CHLSN: variants seen among roughly 807,000 people sequenced by gnomAD.
The protein encoded by CHLSN is protein cholesin.
the CHLSN span, among the ~76,000 whole-genome samples, chr7:1,060,034 G>GGGTCT: frequency 1.8e-5 from 2 of 111,064 alleles, no homozygotes; most frequent in Admixed American, 9.4e-5. Flanking sequence ...AAGCGGGTCC[G>GGGTCT]TAGTGAGGCG....
At chr7:1,083,650 A>G in the CHLSN span, among the ~76,000 whole-genome samples, 1 of 151,686 alleles carries the variant, frequency 6.6e-6, no homozygotes, top group African/African-American at 2.4e-5. Context: ...AAAAAAACAA[A>G]AAAAAACACG....
At chr7:981,848 C>G in the CHLSN span, among the ~76,000 whole-genome samples, 1 of 152,122 alleles carries the variant, frequency 6.6e-6, no homozygotes, top group Non-Finnish European at 1.5e-5. Flanking sequence ...AGCAACGTAG[C>G]AGGACCTCCA....
the CHLSN span, among the ~76,000 whole-genome samples, chr7:1,019,180 T>C: frequency 1.0e-5 from 1 of 99,180 alleles, no homozygotes; most frequent in Non-Finnish European, 1.8e-5. Flanking sequence ...GGCAATAGAG[T>C]GAGACTCTGT....
the CHLSN span, among the ~76,000 whole-genome samples, chr7:990,679 G>A: frequency 9.6e-3 from 1,466 of 152,222 alleles, 17 homozygotes; most frequent in African/African-American, 0.033. Flanking sequence ...ATGGAGGCTC[G>A]GCTGCGTCCG....
the CHLSN span, chr7:1,137,890 C>G: frequency 6.6e-6 from 1 of 152,184 alleles, no homozygotes; most frequent in African/African-American, 2.4e-5. Flanking sequence ...GAAACCAGAG[C>G]CACTGCAAGC....
the CHLSN span, among the ~76,000 whole-genome samples, chr7:1,014,750 G>C: frequency 6.6e-6 from 1 of 152,264 alleles, no homozygotes; most frequent in East Asian, 1.9e-4. Context: ...AACACCACAT[G>C]CACAGAAACG....
the CHLSN span, among the ~76,000 whole-genome samples, chr7:1,055,726 C>T: frequency 3.3e-5 from 5 of 152,088 alleles, no homozygotes; most frequent in Non-Finnish European, 5.9e-5. Flanking sequence ...CCGGGTGTGC[C>T]CTCCTGTCAG....
chr7:1,085,047 C>T, the CHLSN span, among the ~76,000 whole-genome samples: 167 of 152,302 alleles, frequency 1.1e-3, no homozygotes, highest in African/African-American at 3.7e-3. Flanking sequence ...GCTTTGCACG[C>T]GAGGACTGAA....
At chr7:1,102,577 A>AT in the CHLSN span, among the ~76,000 whole-genome samples, 26,932 of 149,086 alleles carry the variant, frequency 0.18, 2,488 homozygotes, top group Middle Eastern at 0.33. Flanking sequence ...TGTTTTTAAA[A>AT]TTTTTTTTTT....
the CHLSN span, among the ~76,000 whole-genome samples, chr7:1,098,116 C>T: frequency 2.0e-5 from 3 of 152,166 alleles, no homozygotes; most frequent in African/African-American, 7.2e-5. Flanking sequence ...AGATGGGCAA[C>T]AATGCCTCTT....
At chr7:1,013,085 G>C in the CHLSN span, among the ~76,000 whole-genome samples, 1 of 152,072 alleles carries the variant, frequency 6.6e-6, no homozygotes, top group Admixed American at 6.6e-5. Context: ...CGCCAGGATC[G>C]GGCGTGGTAA....
the CHLSN span, chr7:1,092,828 CG>C: frequency 6.2e-7 from 1 of 1,612,892 alleles, no homozygotes; most frequent in African/African-American, 1.3e-5. Flanking sequence ...ACCGAGCAGT[CG>C]GATGTGAGGT....
At chr7:1,006,537 ACACGACGGCCACAGCGCAGGGAAAGAGCG>A in the CHLSN span, among the ~76,000 whole-genome samples, 69 of 52,592 alleles carry the variant, frequency 1.3e-3, no homozygotes, top group Admixed American at 4.0e-3. Context: ...GGGAAAGAGC[ACACGACGGCCACAGCGCAGGGAAAGAGCG>A]CACGACGGCC....
the CHLSN span, among the ~76,000 whole-genome samples, chr7:1,014,850 G>C: frequency 1.3e-5 from 2 of 152,240 alleles, no homozygotes; most frequent in Non-Finnish European, 2.9e-5. Context: ...GTCCCGGCCT[G>C]AGCCCAGCTC....
At chr7:1,026,497 A>G in the CHLSN span, 1 of 152,210 alleles carries the variant, frequency 6.6e-6, no homozygotes, top group Non-Finnish European at 1.5e-5. Flanking sequence ...TAGCAGTCGG[A>G]GGCGGCGTTG....
chr7:1,108,014 TGTCCCGCACTGGA>T, the CHLSN span, among the ~76,000 whole-genome samples: 3 of 106,148 alleles, frequency 2.8e-5, no homozygotes, highest in East Asian at 5.0e-4. Flanking sequence ...AGGGGGGCTG[TGTCCCGCACTGGA>T]GTCCCGCACC....
chr7:1,031,856 G>A, the CHLSN span, among the ~76,000 whole-genome samples: 6 of 151,502 alleles, frequency 4.0e-5, no homozygotes, highest in Non-Finnish European at 7.4e-5. Context: ...AGACCTGCAG[G>A]GAGGGCAGAG....
At chr7:981,482 G>C in the CHLSN span, among the ~76,000 whole-genome samples, 1 of 152,014 alleles carries the variant, frequency 6.6e-6, no homozygotes. Flanking sequence ...GGAGGCCGAG[G>C]CGGGCGGATC....
the CHLSN span, among the ~76,000 whole-genome samples, chr7:1,029,587 C>G: frequency 2.0e-5 from 3 of 152,190 alleles, no homozygotes; most frequent in Admixed American, 2.0e-4. Flanking sequence ...TTTTATGGTG[C>G]GAGGGAGCCG....
Sources: allele counts gnomAD v4.1 joint callset (sites outside exome capture counted in the v4.1 genomes callset), GRCh38; gene constraint gnomAD v4.1.1; transcripts MANE v1.5; gene names NCBI Gene and HGNC (gene_info 2026-07-23, HGNC 2026-07-21).